Variants in TNFRSF10B observed in about 807,000 individuals in gnomAD.
TNFRSF10B encodes the protein TNF receptor superfamily member 10b.
TNFRSF10B carries 35 observed loss-of-function variants against 41.4 expected under a neutral mutation model. The ratio of observed to expected loss-of-function variants is 0.85; its 90% CI spans 0.65 to 1.12. The LOEUF (loss-of-function observed/expected upper bound fraction) is 1.12, where lower values mean the gene tolerates loss of function less well. TNFRSF10B is among the 50% of genes most tolerant of loss of function. TNFRSF10B has a pLI of 0.00. For missense variants in TNFRSF10B, 584 were observed against 552.7 expected (o/e 1.06, Z -0.57); for synonymous variants, 230 against 215.5 (o/e 1.07, Z -0.59).
At chr8:23,051,567 T>C (rs1403992796) in intron 1 of TNFRSF10B, among the ~76,000 whole-genome samples, 9 of 151,074 alleles carry the variant, frequency 6.0e-5, no homozygotes, top group Non-Finnish European at 1.0e-4. Flanking sequence ...TTTTTTAAGA[T>C]GGAGTCTCGC....
chr8:23,056,132 C>G (rs941844600), intron 1 of TNFRSF10B, among the ~76,000 whole-genome samples: 3 of 152,216 alleles, frequency 2.0e-5, no homozygotes, highest in South Asian at 2.1e-4. Flanking sequence ...GTAGAATTAC[C>G]AGATGATCCA....
chr8:23,043,088 T>C (rs778421958), intron 2 of TNFRSF10B, 50 bp downstream of exon 2: 37 of 1,543,170 alleles, frequency 2.4e-5, no homozygotes, highest in Middle Eastern at 3.4e-4. Flanking sequence ...TGGAAGCTCA[T>C]GGAGACAAGG....
intron 7 of TNFRSF10B, among the ~76,000 whole-genome samples, chr8:23,025,398 G>A (rs1268642990): frequency 1.3e-5 from 2 of 152,106 alleles, no homozygotes; most frequent in Admixed American, 1.3e-4. Flanking sequence ...ATTAATATTT[G>A]TAAAGTCTAG....
At chr8:23,047,416 C>T (rs894136583) in intron 1 of TNFRSF10B, among the ~76,000 whole-genome samples, 5 of 150,160 alleles carry the variant, frequency 3.3e-5, no homozygotes, top group Non-Finnish European at 7.4e-5. Flanking sequence ...AAGCAATAAG[C>T]TACAGACTGG....
chr8:23,055,660 G>C (rs1812643523), intron 1 of TNFRSF10B, among the ~76,000 whole-genome samples: 1 of 152,040 alleles, frequency 6.6e-6, no homozygotes, highest in Admixed American at 6.6e-5. Context: ...GACCCATTTA[G>C]GATTAAACAA....
intron 1 of TNFRSF10B, among the ~76,000 whole-genome samples, chr8:23,059,006 C>T (rs1184190408): frequency 6.6e-6 from 1 of 152,088 alleles, no homozygotes; most frequent in Non-Finnish European, 1.5e-5. Context: ...TTTCATCTTC[C>T]CATTCTTCCC....
At chr8:23,037,194 T>C (rs1223691286) in intron 2 of TNFRSF10B, among the ~76,000 whole-genome samples, 5 of 152,196 alleles carry the variant, frequency 3.3e-5, no homozygotes, top group Non-Finnish European at 7.3e-5. Context: ...CCAGCCATCC[T>C]TGTCATCACT....
At chr8:23,053,846 C>T (rs188717439) in intron 1 of TNFRSF10B, among the ~76,000 whole-genome samples, 28 of 152,210 alleles carry the variant, frequency 1.8e-4, no homozygotes, top group Admixed American at 1.8e-3. Context: ...TGGTGTTTGG[C>T]TTTCTTTGGG....
In TNFRSF10B at chr8:23,068,771, C is replaced by G. The variant is rs1813079043; in HGVS notation, c.124G>C (p.Val42Leu). ...PRVPKTLVLV[V>L]AAVLLLVSAE... The stretch of plus-strand genomic sequence containing the variant: ...CTCACCAACAGCAGGACCGCGGCGA[C>G]AACGAGCACAAGGGTCTTGGGGACC... The change falls in exon 1 of 9, where the codon GTC (valine) becomes CTC (leucine). Residue 42 changes from valine (V) to leucine (L), a missense_variant. Physicochemically the swap from Val to Leu is conservative, Grantham distance 32 (BLOSUM62 1). Transcript: ENST00000276431. 1 of 1,598,392 alleles carries G rather than the reference C, an allele frequency of 6.3e-7. No homozygotes were observed. Among genetic ancestry groups the G allele is most frequent in the East Asian group, 2.3e-5 (1 of 44,320 alleles).
chr8:23,053,821 T>C (rs552363833), intron 1 of TNFRSF10B, among the ~76,000 whole-genome samples: 2 of 152,252 alleles, frequency 1.3e-5, no homozygotes, highest in Non-Finnish European at 2.9e-5. Flanking sequence ...ACAGGAAGCA[T>C]TGTCAAACAT....
chr8:23,046,548 C>T (rs73544873), intron 1 of TNFRSF10B, among the ~76,000 whole-genome samples: 8,675 of 150,580 alleles, frequency 0.058, 380 homozygotes, highest in African/African-American at 0.12. Context: ...AATGTAATCA[C>T]TATCAAAATT....
At chr8:23,030,461 C>T (rs930242344) in intron 3 of TNFRSF10B, among the ~76,000 whole-genome samples, 3 of 151,924 alleles carry the variant, frequency 2.0e-5, no homozygotes, top group African/African-American at 4.8e-5. Flanking sequence ...TACAGGCACG[C>T]GCCACCATGC....
At chr8:23,028,636 T>C in intron 4 of TNFRSF10B, 34 bp from the exon 5 acceptor site, 3 of 1,613,552 alleles carry the variant, frequency 1.9e-6, no homozygotes, top group African/African-American at 1.3e-5. Context: ...GGGGGGACTC[T>C]TGATGGAAAG....
chr8:23,031,154 C>T (rs1811871178), intron 2 of TNFRSF10B, among the ~76,000 whole-genome samples: 1 of 152,194 alleles, frequency 6.6e-6, no homozygotes, highest in Non-Finnish European at 1.5e-5. Context: ...CGGCTCACTG[C>T]AACCTCCGCC....
At chr8:23,041,603 T>TAAAA (rs199893473) in intron 2 of TNFRSF10B, among the ~76,000 whole-genome samples, 3 of 121,246 alleles carry the variant, frequency 2.5e-5, no homozygotes, top group African/African-American at 9.3e-5. Context: ...CTCAATGATT[T>TAAAA]AAAAAAAAAA....
intron 1 of TNFRSF10B, among the ~76,000 whole-genome samples, chr8:23,052,808 T>G (rs1332776260): frequency 6.6e-6 from 1 of 152,232 alleles, no homozygotes; most frequent in Non-Finnish European, 1.5e-5. Context: ...AATGCTTCTT[T>G]GACTTAAAAA....
chr8:23,065,505 T>C (rs1410173079), intron 1 of TNFRSF10B, among the ~76,000 whole-genome samples: 1 of 152,168 alleles, frequency 6.6e-6, no homozygotes, highest in Non-Finnish European at 1.5e-5. Context: ...AGAGACTAGA[T>C]TGTGGACCAC....
At chr8:23,042,255 AT>A (rs1405968738) in intron 2 of TNFRSF10B, among the ~76,000 whole-genome samples, 5 of 152,306 alleles carry the variant, frequency 3.3e-5, no homozygotes, top group African/African-American at 1.2e-4. Flanking sequence ...CACATGTGCA[AT>A]GTGAGGGTTT....
chr8:23,052,635 T>C (rs1209806845), intron 1 of TNFRSF10B, among the ~76,000 whole-genome samples: 1 of 152,036 alleles, frequency 6.6e-6, no homozygotes, highest in Non-Finnish European at 1.5e-5. Context: ...AGGTTATATA[T>C]AAAACAAGGT....
Sources: allele counts gnomAD v4.1 joint callset (sites outside exome capture counted in the v4.1 genomes callset), GRCh38; gene constraint gnomAD v4.1.1; transcripts MANE v1.5; gene names NCBI Gene and HGNC (gene_info 2026-07-23, HGNC 2026-07-21).